The following ZNF79 variants were observed in gnomAD, a reference collection of about 807,000 sequenced individuals.
The protein encoded by ZNF79 is zinc finger protein 79.
A neutral mutation model predicts 14.9 loss-of-function variants in ZNF79; 13 were observed. The observed-to-expected ratio is 0.87, with a 90% CI of 0.57 to 1.38. The LOEUF (loss-of-function observed/expected upper bound fraction) is 1.38. Among genes scored for constraint, ZNF79 ranks in the 40% most tolerant of loss-of-function variants. ZNF79 has a pLI of 0.00. For missense variants in ZNF79, 631 were observed against 630.6 expected (o/e 1.00, Z -0.01); for synonymous variants, 223 against 235.1 (o/e 0.95, Z 0.47).
chr9:127,443,460 T>TAA (rs1016381561), intron 4 of ZNF79, among the ~76,000 whole-genome samples: 2 of 145,132 alleles, frequency 1.4e-5, no homozygotes, highest in Admixed American at 1.3e-4. Context: ...ACATAGTTGT[T>TAA]TATTAAGTAT....
intron 2 of ZNF79, among the ~76,000 whole-genome samples, chr9:127,433,655 A>G (rs1833898519): frequency 6.6e-6 from 1 of 151,192 alleles, no homozygotes; most frequent in Non-Finnish European, 1.5e-5. Context: ...CTAACTCCAG[A>G]TCCGTGTTTT....
At chr9:127,429,037 C>CAGAG in intron 2 of ZNF79, 117 bp downstream of exon 2, 1 of 698,308 alleles carries the variant, frequency 1.4e-6, no homozygotes, top group Non-Finnish European at 2.2e-6. Context: ...TTTTTTGAGA[C>CAGAG]TGAGTCTCAC....
At chr9:127,437,338 G>C (rs1436043834) in intron 4 of ZNF79, among the ~76,000 whole-genome samples, 1 of 149,036 alleles carries the variant, frequency 6.7e-6, no homozygotes, top group Non-Finnish European at 1.5e-5. Context: ...TTCTCTCAAG[G>C]CCCCCCCCCG....
chr9:127,435,300 G>T, intron 3 of ZNF79, 84 bp downstream of exon 3: 1 of 1,442,376 alleles, frequency 6.9e-7, no homozygotes, highest in South Asian at 1.4e-5. Context: ...AGGGGTTTCT[G>T]ACTGGTGTGA....
chr9:127,428,314 A>G (rs2131943012), intron 1 of ZNF79, among the ~76,000 whole-genome samples: 1 of 152,256 alleles, frequency 6.6e-6, no homozygotes, highest in South Asian at 2.1e-4. Context: ...TCTCTGATCT[A>G]TTTTGGGTTA....
chr9:127,430,716 T>G (rs1270854288), intron 2 of ZNF79, among the ~76,000 whole-genome samples: 1 of 152,224 alleles, frequency 6.6e-6, no homozygotes, highest in East Asian at 1.9e-4. Flanking sequence ...TTGGCTGTTG[T>G]GAACAGCACA....
rs1346182805 is a variant in ZNF79 at position 127,445,225 on chromosome 9, T to G, written c.*28T>G. ...AGGAACATGGTAGAAGTGGAGAGAG[T>G]CCCGGACATGCCGACTCAGGACAGG... On this transcript the variant is annotated 3_prime_UTR_variant, in exon 5 of 5. Coordinates refer to ENST00000342483, the MANE Select transcript of ZNF79 (RefSeq NM_007135.3). The G allele has an allele frequency of 1.2e-6, 2 of 1,605,406 alleles. No homozygotes were observed. Among genetic ancestry groups the G allele is most frequent in the Middle Eastern group, 3.3e-4 (2 of 6,016 alleles).
chr9:127,443,535 C>T (rs375570212), intron 4 of ZNF79, among the ~76,000 whole-genome samples: 15 of 152,198 alleles, frequency 9.9e-5, no homozygotes, highest in African/African-American at 2.4e-4. Flanking sequence ...TCACCACAAA[C>T]GTGAGTAATG....
intron 2 of ZNF79, among the ~76,000 whole-genome samples, chr9:127,434,528 G>A (rs7870737): frequency 0.61 from 92,432 of 151,964 alleles, 28,452 homozygotes; most frequent in African/African-American, 0.64. Flanking sequence ...GCATACACAC[G>A]CTCTATTTAT....
chr9:127,443,187 C>A (rs1834079927), intron 4 of ZNF79, among the ~76,000 whole-genome samples: 2 of 151,982 alleles, frequency 1.3e-5, no homozygotes, highest in Middle Eastern at 3.4e-3. Flanking sequence ...CACCTATAAT[C>A]CCCAGCACTT....
intron 2 of ZNF79, among the ~76,000 whole-genome samples, chr9:127,432,561 T>C (rs553969561): frequency 1.6e-4 from 25 of 151,968 alleles, no homozygotes; most frequent in Admixed American, 6.6e-5. Flanking sequence ...TCTAAAATTA[T>C]TATTTTGCTT....
chr9:127,441,112 G>C (rs905098805), intron 4 of ZNF79, among the ~76,000 whole-genome samples: 1 of 151,770 alleles, frequency 6.6e-6, no homozygotes, highest in Non-Finnish European at 1.5e-5. Context: ...CAAATAGATG[G>C]TCTGCTTTTA....
chr9:127,426,372 CT>C (rs34029339), intron 1 of ZNF79, among the ~76,000 whole-genome samples: 58,365 of 127,818 alleles, frequency 0.46, 12,509 homozygotes, highest in Admixed American at 0.53. Flanking sequence ...TAATATGTGA[CT>C]TTTTTTTTTT....
At chr9:127,440,369 G>A (rs1275235476) in intron 4 of ZNF79, among the ~76,000 whole-genome samples, 1 of 152,110 alleles carries the variant, frequency 6.6e-6, no homozygotes, top group Non-Finnish European at 1.5e-5. Flanking sequence ...CCTAGGAGAG[G>A]AACATTCTGG....
In ZNF79 at chr9:127,445,303, A is replaced by G. The variant is rs1332535015; in HGVS notation, c.*106A>G. The G allele has an allele frequency of 3.2e-6, 4 of 1,268,660 alleles. No individual in the cohort carries two copies. The African/African-American group carries it at 5.9e-5, about 19-fold the overall frequency. 78.6% of individuals were successfully genotyped at this position (1,268,660 alleles called of 1,614,324 possible). On this transcript the variant is annotated 3_prime_UTR_variant, in exon 5 of 5. Transcript: ENST00000342483. The stretch of plus-strand genomic sequence containing the variant: ...GCTTGAAAGCATCTGAAGACATCTA[A>G]CTTAGAGTCTGCAGCCCAGAGCCAC...
At chr9:127,429,952 A>G (rs1833831406) in intron 2 of ZNF79, among the ~76,000 whole-genome samples, 1 of 151,766 alleles carries the variant, frequency 6.6e-6, no homozygotes, top group African/African-American at 2.4e-5. Context: ...AAGTAGCTGG[A>G]ATTACAGGTG....
At chr9:127,437,346 C>T (rs1312690662) in intron 4 of ZNF79, among the ~76,000 whole-genome samples, 1 of 150,584 alleles carries the variant, frequency 6.6e-6, no homozygotes, top group African/African-American at 2.4e-5. Flanking sequence ...AGGCCCCCCC[C>T]CGCTGCCTGG....
chr9:127,437,060 TAAAAA>T (rs769977106), intron 4 of ZNF79, among the ~76,000 whole-genome samples: 1 of 123,798 alleles, frequency 8.1e-6, no homozygotes, highest in Non-Finnish European at 1.7e-5. Context: ...AACTCTGTCT[TAAAAA>T]AAAAAAAAAA....
chr9:127,440,813 T>C (rs558162559), intron 4 of ZNF79, among the ~76,000 whole-genome samples: 3 of 151,980 alleles, frequency 2.0e-5, no homozygotes, highest in African/African-American at 4.8e-5. Context: ...TGCTGGTGGA[T>C]TGGATGTGAG....
Sources: gnomAD v4.1 joint callset for allele counts (sites outside exome capture counted in the v4.1 genomes callset) on GRCh38, gnomAD v4.1.1 for gene constraint, MANE v1.5 for transcripts, NCBI Gene and HGNC (gene_info 2026-07-23, HGNC 2026-07-21) for gene names.